HDGFL3: variants seen among roughly 807,000 people sequenced by gnomAD.
The protein encoded by HDGFL3 is hepatoma-derived growth factor-related protein 3.
HDGFL3 carries 6 observed loss-of-function variants against 27.6 expected under a neutral mutation model. That is an observed-to-expected ratio of 0.22 (90% CI 0.12 to 0.43). The LOEUF is 0.43. HDGFL3 is among the 20% of genes least tolerant of loss of function. The pLI is 1.00. For synonymous variants in HDGFL3, 88 were observed against 88.9 expected (o/e 0.99, Z 0.05); for missense variants, 207 against 250.1 (o/e 0.83, Z 1.16).
intron 3 of HDGFL3, chr15:83,121,788 T>TC (rs1567143513): frequency 1.5e-6 from 1 of 671,676 alleles, no homozygotes; most frequent in Non-Finnish European, 2.5e-6. Context: ...TTTGATTTAT[T>TC]CCTCTCAATT....
chr15:83,149,414 A>G (rs1310247674), intron 5 of HDGFL3, among the ~76,000 whole-genome samples: 1 of 152,244 alleles, frequency 6.6e-6, no homozygotes, highest in African/African-American at 2.4e-5. Context: ...TAAGATGAAC[A>G]CAAGATGTTT....
At chr15:83,122,842 TA>T, downstream of HDGFL3, 1 of 1,614,062 alleles carries the variant, frequency 6.2e-7, no homozygotes, top group African/African-American at 1.3e-5. Context: ...TCAGAATCTA[TA>T]ATCAGCCATC....
downstream of HDGFL3, among the ~76,000 whole-genome samples, chr15:83,126,348 G>A (rs2035750783): frequency 6.6e-6 from 1 of 152,114 alleles, no homozygotes. Context: ...GAGACAGGAA[G>A]GTGCTATTTT....
In HDGFL3 at chr15:83,128,710, C is replaced by T. The variant is rs1596519027; in HGVS notation, c.*10560G>A. The T allele has an allele frequency of 6.6e-6, 1 of 152,176 alleles. No individual in the cohort carries two copies. The highest frequency in any genetic ancestry group is 1.9e-4 in the East Asian group (1 of 5,194). 9.4% of individuals were successfully genotyped at this position (152,176 alleles called of 1,614,324 possible). On this transcript the variant is annotated 3_prime_UTR_variant, in exon 6 of 6. Coordinates refer to ENST00000299633, the MANE Select transcript of HDGFL3 (RefSeq NM_016073.4). ...AAATAGGACCTGATCCTCCCCACAA[C>T]CTCTCTTCCATTTTTTCATTATCTG... is the stretch of plus-strand genomic sequence containing the variant.
chr15:83,136,527 AT>A lies in HDGFL3; in HGVS notation c.*2742del. On this transcript the variant is annotated 3_prime_UTR_variant, in exon 6 of 6. Coordinates refer to ENST00000299633, the MANE Select transcript of HDGFL3 (RefSeq NM_016073.4). ...GCATCTCTTCATGCTAGAACTGCTTATGTCTACAGAGTCCCTGAAGAAGCAA... is the reference window on the plus strand; with the variant it reads ...GCATCTCTTCATGCTAGAACTGCTTAGTCTACAGAGTCCCTGAAGAAGCAA... 1 of 1,608,816 alleles carries A rather than the reference AT, an allele frequency of 6.2e-7. No individual in the cohort carries two copies. The highest frequency in any genetic ancestry group is 8.5e-7 in the Non-Finnish European group (1 of 1,178,712).
downstream of HDGFL3, among the ~76,000 whole-genome samples, chr15:83,125,707 GGC>G (rs2035682025): frequency 6.6e-6 from 1 of 152,170 alleles, no homozygotes; most frequent in Non-Finnish European, 1.5e-5. Flanking sequence ...GAAGCCTGTT[GGC>G]GCGCGTAACA....
downstream of HDGFL3, chr15:83,124,803 AAC>A (rs1596505134): frequency 2.6e-6 from 4 of 1,533,638 alleles, no homozygotes; most frequent in East Asian, 9.0e-5. Flanking sequence ...ATAATAACGT[AAC>A]ATTGTGATAC....
rs1227805479 is a variant in HDGFL3 at position 83,136,311 on chromosome 15, T to G, written c.*2959A>C. ...AAATTTAATCAAGGACTAAATTTAA[T>G]GAAAGACTCTGACATTAAAGACTCT... On this transcript the variant is annotated 3_prime_UTR_variant, in exon 6 of 6. Transcript: ENST00000299633. 2.2e-6 allele frequency: 1 copy of G among 464,044 alleles called. No individual in the cohort carries two copies. Among genetic ancestry groups the G allele is most frequent in the Non-Finnish European group, 3.8e-6 (1 of 264,696 alleles). The allele number at this position is 464,044 out of a possible 1,614,324, so 28.7% of individuals were successfully genotyped here.
chr15:83,168,591 T>C (rs533887055), intron 1 of HDGFL3, among the ~76,000 whole-genome samples: 145 of 152,120 alleles, frequency 9.5e-4, no homozygotes, highest in African/African-American at 3.4e-3. Flanking sequence ...CAGGAAGAAA[T>C]TGAAACACGG....
downstream of HDGFL3, chr15:83,124,679 A>C (rs2035570508): frequency 1.2e-6 from 2 of 1,613,846 alleles, no homozygotes; most frequent in East Asian, 4.5e-5. Flanking sequence ...TAGGTTATTC[A>C]AGAAGCCCAA....
Position 83,179,640 on chromosome 15 carries a change from T to C in HDGFL3, c.85-15565A>G, listed in dbSNP as rs200203326. Reference sequence around the variant, plus strand: ...CAATCAAATCTCTGCTTAAATATCATCTCATCAGAGATACTTCCTTTATAA... The same window carrying C: ...CAATCAAATCTCTGCTTAAATATCACCTCATCAGAGATACTTCCTTTATAA... On this transcript the variant is annotated intron_variant, in intron 1 of 5. Coordinates refer to ENST00000299633, the MANE Select transcript of HDGFL3 (RefSeq NM_016073.4). The C allele has an allele frequency of 5.3e-5, 8 of 152,378 alleles. No homozygotes were observed. In the East Asian group the frequency reaches 7.7e-4, roughly 15 times the overall value. The allele number at this position is 152,378 out of a possible 1,614,324, so 9.4% of individuals were successfully genotyped here.
intron 1 of HDGFL3, among the ~76,000 whole-genome samples, chr15:83,179,420 G>A (rs1317554099): frequency 6.6e-6 from 1 of 152,168 alleles, no homozygotes; most frequent in Non-Finnish European, 1.5e-5. Context: ...AATCTAATTA[G>A]GAAACAGAGG....
At chr15:83,121,237 A>T (rs1278220616) in intron 3 of HDGFL3, among the ~76,000 whole-genome samples, 2 of 139,480 alleles carry the variant, frequency 1.4e-5, no homozygotes, top group African/African-American at 2.6e-5. Context: ...TGCCCAGCTA[A>T]TTTTTTTTTT....
chr15:83,171,384 C>T (rs1025161903), intron 1 of HDGFL3, among the ~76,000 whole-genome samples: 2 of 152,272 alleles, frequency 1.3e-5, no homozygotes, highest in Admixed American at 6.5e-5. Context: ...CCAGCAATCC[C>T]ATTACTGTGT....
In HDGFL3 at chr15:83,164,175, A is replaced by G. The variant is rs1339260058; in HGVS notation, c.85-100T>C. On this transcript the variant is annotated intron_variant, in intron 1 of 5. Transcript: ENST00000299633. The stretch of plus-strand genomic sequence containing the variant: ...TGCTAATTTCAAAATAAAATCAATC[A>G]AAACTCAGATAGTTTTTTAGAACTT... 3 of 785,178 alleles carry G rather than the reference A, an allele frequency of 3.8e-6. No homozygotes were observed. In the Admixed American group the frequency reaches 8.7e-5, roughly 23 times the overall value. 48.6% of individuals were successfully genotyped at this position (785,178 alleles called of 1,614,324 possible). A position where few individuals can be genotyped will look rare whatever the true frequency, so the allele number is the denominator to read the frequency against.
At position 83,134,021 on chromosome 15, in the gene HDGFL3, T is replaced by C. The variant is rs2036445255; in HGVS notation, c.*5249A>G. ...TATGAATGTTAAAATTTTTGTGCCTTGTTTAATAATTCTGAATAAAGAGGC... is the reference window on the plus strand; with the variant it reads ...TATGAATGTTAAAATTTTTGTGCCTCGTTTAATAATTCTGAATAAAGAGGC... On this transcript the variant is annotated 3_prime_UTR_variant, in exon 6 of 6. Transcript: ENST00000299633. 1 of 152,176 alleles carries C rather than the reference T, an allele frequency of 6.6e-6. No homozygotes were observed. The highest frequency in any genetic ancestry group is 1.5e-5 in the Non-Finnish European group (1 of 68,028). The allele number at this position is 152,176 out of a possible 1,614,324, so 9.4% of individuals were successfully genotyped here.
chr15:83,119,505 T>G, intron 3 of HDGFL3: 1 of 1,443,204 alleles, frequency 6.9e-7, no homozygotes, highest in Non-Finnish European at 9.6e-7. Context: ...TTTATTTTAC[T>G]TGCAATACAG....
chr15:83,116,708 G>C (rs2034694082), intron 3 of HDGFL3, among the ~76,000 whole-genome samples: 2 of 152,180 alleles, frequency 1.3e-5, no homozygotes, highest in Admixed American at 6.5e-5. Context: ...GGACCAGCAG[G>C]GGCATAAACG....
Position 83,136,493 on chromosome 15 carries a change from C to T in HDGFL3, c.*2777G>A. ...TTAAATGCAACAGGCTCAGTTTTCT[C>T]ACATTGGTGCATCTCTTCATGCTAG... On this transcript the variant is annotated 3_prime_UTR_variant, in exon 6 of 6. Coordinates refer to ENST00000299633, the MANE Select transcript of HDGFL3 (RefSeq NM_016073.4). 1.3e-6 allele frequency: 2 copies of T among 1,578,102 alleles called. No individual in the cohort carries two copies. The highest frequency in any genetic ancestry group is 2.2e-5 in the East Asian group (1 of 44,656).
Sources: allele counts gnomAD v4.1 joint callset (sites outside exome capture counted in the v4.1 genomes callset), GRCh38; gene constraint gnomAD v4.1.1; transcripts MANE v1.5; gene names NCBI Gene and HGNC (gene_info 2026-07-23, HGNC 2026-07-21).